The following SLC24A2 variants were observed in gnomAD, a reference collection of about 807,000 sequenced individuals.
SLC24A2 encodes the protein sodium/potassium/calcium exchanger 2.
In SLC24A2, 36 loss-of-function variants were observed where a neutral mutation model predicts 62.0. The observed-to-expected ratio is 0.58, with a 90% CI of 0.44 to 0.77. The LOEUF (loss-of-function observed/expected upper bound fraction) is 0.77. SLC24A2 is among the 30% of genes least tolerant of loss of function. The pLI is 0.00. For missense variants in SLC24A2, 846 were observed against 817.9 expected, an observed-to-expected ratio of 1.03 and a Z score of -0.42; for synonymous variants, 358 against 294.0, an observed-to-expected ratio of 1.22 and a Z score of -2.23.
the SLC24A2 span, among the ~76,000 whole-genome samples, chr9:20,186,788 G>C: frequency 4.6e-5 from 7 of 152,178 alleles, no homozygotes; most frequent in Non-Finnish European, 8.8e-5. Flanking sequence ...GCCTGGCACA[G>C]AGTAAGTATT....
the SLC24A2 span, among the ~76,000 whole-genome samples, chr9:20,180,796 C>A: frequency 6.6e-6 from 1 of 152,294 alleles, no homozygotes; most frequent in African/African-American, 2.4e-5. Context: ...TATTCCTTAA[C>A]ACAGAAGAGA....
At chr9:20,148,798 G>A in the SLC24A2 span, among the ~76,000 whole-genome samples, 21 of 152,174 alleles carry the variant, frequency 1.4e-4, no homozygotes, top group Non-Finnish European at 2.6e-4. Flanking sequence ...GGAATATTTT[G>A]ACAGTGGATG....
chr9:20,256,703 C>A, the SLC24A2 span, among the ~76,000 whole-genome samples: 1 of 152,002 alleles, frequency 6.6e-6, no homozygotes, highest in Non-Finnish European at 1.5e-5. Flanking sequence ...TTTCTAGAGC[C>A]GTGCATTCAG....
At chr9:20,194,205 A>AT in the SLC24A2 span, among the ~76,000 whole-genome samples, 2 of 152,144 alleles carry the variant, frequency 1.3e-5, no homozygotes, top group Non-Finnish European at 2.9e-5. Context: ...CATGAAAACC[A>AT]GAAATCAAAG....
At chr9:19,777,247 CAT>C (rs1372691457) in intron 2 of SLC24A2, among the ~76,000 whole-genome samples, 4 of 152,282 alleles carry the variant, frequency 2.6e-5, no homozygotes, top group Non-Finnish European at 4.4e-5. Context: ...TCTTCATAAA[CAT>C]ATGTTTCAAA....
At chr9:19,640,351 T>C (rs569338947) in intron 2 of SLC24A2, among the ~76,000 whole-genome samples, 2 of 152,386 alleles carry the variant, frequency 1.3e-5, no homozygotes, top group South Asian at 4.1e-4. Flanking sequence ...GTTGGATGCC[T>C]TTCTCTCTGT....
At chr9:19,643,165 T>C (rs1329859631) in intron 2 of SLC24A2, among the ~76,000 whole-genome samples, 1 of 152,064 alleles carries the variant, frequency 6.6e-6, no homozygotes, top group Non-Finnish European at 1.5e-5. Flanking sequence ...ATATGAATAT[T>C]TTATCTAAAT....
the SLC24A2 span, among the ~76,000 whole-genome samples, chr9:20,017,528 T>C: frequency 1.3e-5 from 2 of 152,072 alleles, no homozygotes. Flanking sequence ...GAAAGGGTGT[T>C]TATTAGGAGA....
intron 2 of SLC24A2, among the ~76,000 whole-genome samples, chr9:19,682,757 T>A (rs868038042): frequency 1.3e-5 from 2 of 152,168 alleles, no homozygotes; most frequent in African/African-American, 4.8e-5. Flanking sequence ...TTAGTTGATA[T>A]TAAAATACAT....
chr9:20,192,835 G>A, the SLC24A2 span, among the ~76,000 whole-genome samples: 8 of 152,216 alleles, frequency 5.3e-5, no homozygotes, highest in East Asian at 1.5e-3. Flanking sequence ...GCCTTTCTTA[G>A]AAAACTCAAG....
intron 2 of SLC24A2, among the ~76,000 whole-genome samples, chr9:19,699,613 T>G (rs1244921341): frequency 1.3e-5 from 2 of 152,180 alleles, no homozygotes; most frequent in African/African-American, 4.8e-5. Flanking sequence ...TGACATGCAT[T>G]TTCTAAAAAT....
intron 7 of SLC24A2, among the ~76,000 whole-genome samples, chr9:19,560,923 A>C (rs1437350874): frequency 1.9e-5 from 1 of 51,286 alleles, no homozygotes; most frequent in African/African-American, 6.8e-5. Flanking sequence ...ATATAGAGAG[A>C]GAGAGAGAGA....
At chr9:19,898,173 G>A in the SLC24A2 span, among the ~76,000 whole-genome samples, 2 of 152,176 alleles carry the variant, frequency 1.3e-5, no homozygotes, top group Non-Finnish European at 2.9e-5. Context: ...AGCCTAGCAT[G>A]TCTAGCTGCC....
At chr9:19,924,974 T>A in the SLC24A2 span, among the ~76,000 whole-genome samples, 1 of 152,126 alleles carries the variant, frequency 6.6e-6, no homozygotes, top group African/African-American at 2.4e-5. Context: ...TCAAGTAGAG[T>A]CAATTCTAAG....
At chr9:19,580,384 G>A (rs1351770563) in intron 5 of SLC24A2, among the ~76,000 whole-genome samples, 2 of 152,244 alleles carry the variant, frequency 1.3e-5, no homozygotes, top group African/African-American at 2.4e-5. Flanking sequence ...GGGTGGTGGG[G>A]CAGAGCCTGA....
At chr9:19,519,307 C>T (rs544171964) in intron 10 of SLC24A2, among the ~76,000 whole-genome samples, 15 of 147,228 alleles carry the variant, frequency 1.0e-4, no homozygotes, top group East Asian at 2.0e-4. Flanking sequence ...GTGTTGTTTC[C>T]GAGTAATAGG....
At chr9:19,946,742 T>C in the SLC24A2 span, among the ~76,000 whole-genome samples, 10 of 152,262 alleles carry the variant, frequency 6.6e-5, no homozygotes, top group African/African-American at 2.4e-4. Flanking sequence ...ATTTTTAAAA[T>C]AAAGGCAGAT....
At chr9:19,820,841 T>G in the SLC24A2 span, among the ~76,000 whole-genome samples, 1 of 152,188 alleles carries the variant, frequency 6.6e-6, no homozygotes, top group South Asian at 2.1e-4. Flanking sequence ...AATCTACATG[T>G]TCTCAGCATA....
At chr9:19,893,256 T>A in the SLC24A2 span, among the ~76,000 whole-genome samples, 318 of 152,210 alleles carry the variant, frequency 2.1e-3, 2 homozygotes, top group South Asian at 3.9e-3. Context: ...ATCATCAGAG[T>A]CAATTCTGCT....
Sources: gnomAD v4.1 joint callset for allele counts (sites outside exome capture counted in the v4.1 genomes callset) on GRCh38, gnomAD v4.1.1 for gene constraint, MANE v1.5 for transcripts, NCBI Gene and HGNC (gene_info 2026-07-23, HGNC 2026-07-21) for gene names.